KCNJ3: variants seen among roughly 807,000 people sequenced by gnomAD.
KCNJ3 encodes G protein-activated inward rectifier potassium channel 1.
In KCNJ3, 4 loss-of-function variants were observed where a neutral mutation model predicts 39.2. The ratio of observed to expected loss-of-function variants is 0.10; its 90% CI spans 0.05 to 0.23. The LOEUF (loss-of-function observed/expected upper bound fraction) is 0.23, where lower values mean the gene tolerates loss of function less well. KCNJ3 is among the 10% of genes least tolerant of loss of function. KCNJ3 has a pLI of 1.00. For synonymous variants in KCNJ3, 230 were observed against 237.4 expected (o/e 0.97, Z 0.29); for missense variants, 276 against 634.9 (o/e 0.43, Z 6.08).
intron 2 of KCNJ3, among the ~76,000 whole-genome samples, chr2:154,737,169 T>C (rs548818173): frequency 1.3e-5 from 2 of 152,302 alleles, no homozygotes; most frequent in East Asian, 1.9e-4. Flanking sequence ...GGGAAAGTTC[T>C]TGTTCACCCA....
At chr2:154,726,798 C>CAA (rs963910492) in intron 2 of KCNJ3, among the ~76,000 whole-genome samples, 2 of 71,718 alleles carry the variant, frequency 2.8e-5, no homozygotes, top group Non-Finnish European at 7.7e-5. Flanking sequence ...TATATACATA[C>CAA]ACACACACAC....
chr2:154,769,920 T>C lies in KCNJ3; in HGVS notation c.919+60101T>C, dbSNP rs182274939. 2.2e-4 allele frequency among the ~76,000 whole-genome samples: 34 copies of C among 152,296 alleles called. No individual in the cohort carries two copies. The East Asian group carries it at 6.6e-3, about 29-fold the overall frequency. On this transcript the variant is annotated intron_variant, in intron 2 of 2. Transcript: ENST00000295101. ...CAAAACTAATAATAAATTTTGCTTA[T>C]TGGTATCATTCCTCCTTTGATAGTT...
At chr2:154,819,590 G>A (rs1373951573) in intron 2 of KCNJ3, among the ~76,000 whole-genome samples, 1 of 151,880 alleles carries the variant, frequency 6.6e-6, no homozygotes, top group Non-Finnish European at 1.5e-5. Context: ...GAGTGCAGTG[G>A]CATGATCTCG....
intron 2 of KCNJ3, among the ~76,000 whole-genome samples, chr2:154,777,954 A>G (rs1212127966): frequency 6.6e-6 from 1 of 152,174 alleles, no homozygotes; most frequent in Non-Finnish European, 1.5e-5. Flanking sequence ...AAACCACTTC[A>G]TCTATAGTTT....
At chr2:154,711,087 T>C (rs1382457074) in intron 2 of KCNJ3, among the ~76,000 whole-genome samples, 1 of 152,130 alleles carries the variant, frequency 6.6e-6, no homozygotes, top group Non-Finnish European at 1.5e-5. Context: ...TGAAAAAAGA[T>C]TTAATGTATT....
In KCNJ3 at chr2:154,699,907, G is replaced by T. The variant is rs1159737342; in HGVS notation, c.702+430G>T. ...CAGCTGTTATTTTGAAGAAATAGGT[G>T]CTGAACTTGCCTCAACTTTCACGAT... On this transcript the variant is annotated intron_variant, in intron 1 of 2. Coordinates refer to ENST00000295101, the MANE Select transcript of KCNJ3 (RefSeq NM_002239.4). This position sits in a 1 kb window ranked among gnomAD's most constrained non-coding sequence, Gnocchi z 6.4. Among the ~76,000 whole-genome samples, 2 of 152,108 alleles carry T rather than the reference G, an allele frequency of 1.3e-5. No individual in the cohort carries two copies. Among genetic ancestry groups the T allele is most frequent in the Non-Finnish European group, 2.9e-5 (2 of 68,022 alleles).
At chr2:154,820,130 A>G (rs900352681) in intron 2 of KCNJ3, among the ~76,000 whole-genome samples, 1 of 152,182 alleles carries the variant, frequency 6.6e-6, no homozygotes, top group Non-Finnish European at 1.5e-5. Context: ...ATTATTAATT[A>G]ACCTACTGGT....
chr2:154,850,008 CTTTTTTTTTTTTTTTTTT>C (rs373062062), intron 2 of KCNJ3, among the ~76,000 whole-genome samples: 32 of 48,862 alleles, frequency 6.5e-4, no homozygotes, highest in Admixed American at 3.0e-3. Context: ...CAGAATAAAT[CTTTTTTTTTTTTTTTTTT>C]TTTTTTTTTT....
At chr2:154,796,810 T>C (rs986278311) in intron 2 of KCNJ3, among the ~76,000 whole-genome samples, 5 of 152,176 alleles carry the variant, frequency 3.3e-5, no homozygotes, top group Non-Finnish European at 7.3e-5. Context: ...CGGAATATGC[T>C]TATTAGAAGA....
chr2:154,821,182 C>A (rs2591143), intron 2 of KCNJ3, among the ~76,000 whole-genome samples: 23,211 of 152,114 alleles, frequency 0.15, 2,316 homozygotes, highest in East Asian at 0.36. Flanking sequence ...TGTTTGTCAG[C>A]ACAAGTTGTC....
At chr2:154,742,897 A>T (rs1685675995) in intron 2 of KCNJ3, among the ~76,000 whole-genome samples, 1 of 151,650 alleles carries the variant, frequency 6.6e-6, no homozygotes, top group African/African-American at 2.4e-5. Context: ...TTTGTCTTTT[A>T]TTTTAGTTAT....
At chr2:154,726,201 C>T (rs927568268) in intron 2 of KCNJ3, among the ~76,000 whole-genome samples, 6 of 151,978 alleles carry the variant, frequency 3.9e-5, no homozygotes, top group African/African-American at 1.2e-4. Context: ...AGGAAATTTT[C>T]GCAGACTATG....
chr2:154,777,208 T>A (rs1026298946), intron 2 of KCNJ3, among the ~76,000 whole-genome samples: 1 of 152,236 alleles, frequency 6.6e-6, no homozygotes, highest in Non-Finnish European at 1.5e-5. Flanking sequence ...ACAGTTTTCA[T>A]TGAGAATGTT....
At position 154,699,537 on chromosome 2, in the gene KCNJ3, A is replaced by C; in HGVS notation, c.702+60A>C. ...CTGCGTCCCCCAAACCCGCGGAGTA[A>C]CTCGTCTGAGAACCAGCCCGGGCCC... is the stretch of plus-strand genomic sequence containing the variant. On this transcript the variant is annotated intron_variant, in intron 1 of 2. Coordinates refer to ENST00000295101, the MANE Select transcript of KCNJ3 (RefSeq NM_002239.4). This position sits in a 1 kb window ranked among gnomAD's most constrained non-coding sequence, Gnocchi z 6.4. 6.7e-7 allele frequency: 1 copy of C among 1,496,584 alleles called. No individual in the cohort carries two copies. Among genetic ancestry groups the C allele is most frequent in the Admixed American group, 2.0e-5 (1 of 49,250 alleles). The allele number at this position is 1,496,584 out of a possible 1,614,324, so 92.7% of individuals were successfully genotyped here.
chr2:154,773,757 G>A (rs935200055), intron 2 of KCNJ3, among the ~76,000 whole-genome samples: 2 of 152,116 alleles, frequency 1.3e-5, no homozygotes, highest in African/African-American at 2.4e-5. Flanking sequence ...TTGATTGAAT[G>A]TCTGATATTC....
At chr2:154,781,015 C>G (rs534550035) in intron 2 of KCNJ3, among the ~76,000 whole-genome samples, 2 of 152,256 alleles carry the variant, frequency 1.3e-5, no homozygotes, top group African/African-American at 4.8e-5. Context: ...TCACTGTAAT[C>G]GCAGTTGGTC....
At chr2:154,784,808 TTAAC>T (rs1285810613) in intron 2 of KCNJ3, among the ~76,000 whole-genome samples, 3 of 152,188 alleles carry the variant, frequency 2.0e-5, no homozygotes, top group Admixed American at 6.5e-5. Context: ...ATTTAGTTAA[TTAAC>T]TAAGTTAATT....
At chr2:154,848,451 A>G (rs992391464) in intron 2 of KCNJ3, among the ~76,000 whole-genome samples, 1 of 152,188 alleles carries the variant, frequency 6.6e-6, no homozygotes, top group African/African-American at 2.4e-5. Context: ...TATGTTTATA[A>G]TTAGCAATTT....
chr2:154,756,489 C>T (rs1450935861), intron 2 of KCNJ3, among the ~76,000 whole-genome samples: 1 of 151,934 alleles, frequency 6.6e-6, no homozygotes, highest in East Asian at 1.9e-4. Context: ...GTGTTGTGTC[C>T]TAATGTTATC....
Sources: gnomAD v4.1 joint callset for allele counts (sites outside exome capture counted in the v4.1 genomes callset) on GRCh38, gnomAD v4.1.1 for gene constraint, Gnocchi (gnomAD v3.1) non-coding constraint, MANE v1.5 for transcripts, NCBI Gene and HGNC (gene_info 2026-07-23, HGNC 2026-07-21) for gene names.